Variants in CAMKMT observed in about 807,000 individuals in gnomAD.
CAMKMT encodes CaM KMT.
A neutral mutation model predicts 48.0 loss-of-function variants in CAMKMT; 53 were observed. The ratio of observed to expected loss-of-function variants is 1.10; its 90% CI spans 0.89 to 1.39. The LOEUF (loss-of-function observed/expected upper bound fraction) is 1.39, where lower values mean the gene tolerates loss of function less well. CAMKMT is among the 40% of genes most tolerant of loss of function. CAMKMT has a pLI of 0.00. For missense variants in CAMKMT, 428 were observed against 402.7 expected, an observed-to-expected ratio of 1.06 and a Z score of -0.54; for synonymous variants, 165 against 152.3, an observed-to-expected ratio of 1.08 and a Z score of -0.61.
At chr2:44,742,270 C>T (rs1294352375) in intron 7 of CAMKMT, among the ~76,000 whole-genome samples, 2 of 152,118 alleles carry the variant, frequency 1.3e-5, no homozygotes, top group African/African-American at 2.4e-5. Context: ...TTAGGATTTC[C>T]TAATTTCCTT....
At chr2:44,603,391 C>T (rs1459957114) in intron 3 of CAMKMT, among the ~76,000 whole-genome samples, 1 of 152,094 alleles carries the variant, frequency 6.6e-6, no homozygotes, top group African/African-American at 2.4e-5. Context: ...AACTGGACCC[C>T]CAACCTATAT....
At chr2:44,477,505 C>G (rs1022483044) in intron 3 of CAMKMT, among the ~76,000 whole-genome samples, 1 of 152,060 alleles carries the variant, frequency 6.6e-6, no homozygotes, top group Non-Finnish European at 1.5e-5. Flanking sequence ...TACAGTAACT[C>G]AATAAACAAT....
intron 3 of CAMKMT, chr2:44,456,495 A>G: frequency 6.6e-7 from 1 of 1,523,200 alleles, no homozygotes; most frequent in Non-Finnish European, 8.8e-7. Context: ...AAGAAACAAA[A>G]AGACCTTGGA....
chr2:44,460,752 G>C (rs1237276448), intron 3 of CAMKMT, among the ~76,000 whole-genome samples: 3 of 115,060 alleles, frequency 2.6e-5, no homozygotes, highest in Non-Finnish European at 5.0e-5. Context: ...ACAGAGTCTT[G>C]CTCTGTCACC....
At chr2:44,591,670 C>G (rs368824001) in intron 3 of CAMKMT, among the ~76,000 whole-genome samples, 4 of 151,634 alleles carry the variant, frequency 2.6e-5, no homozygotes, top group African/African-American at 9.7e-5. Context: ...CCTCAGGGAT[C>G]TAGAACTAGA....
At chr2:44,709,281 C>T (rs1002015644) in intron 6 of CAMKMT, among the ~76,000 whole-genome samples, 3 of 152,090 alleles carry the variant, frequency 2.0e-5, no homozygotes, top group Non-Finnish European at 4.4e-5. Context: ...TTTAATATAG[C>T]GGGGTGCCAA....
intron 1 of CAMKMT, among the ~76,000 whole-genome samples, chr2:44,368,144 T>C (rs1376617306): frequency 6.6e-6 from 1 of 152,240 alleles, no homozygotes; most frequent in Non-Finnish European, 1.5e-5. Context: ...CATTGATATT[T>C]GACTAAATAG....
In CAMKMT at chr2:44,549,869, T is replaced by C. The variant is rs560732286; in HGVS notation, c.377-154414T>C. ...ACCCAGCTTCATTGTGTTAAAAGTC[T>C]TGGTGTTATGTGAAGAGTGTCTTTA... On this transcript the variant is annotated intron_variant, in intron 3 of 10. Coordinates refer to ENST00000378494, the MANE Select transcript of CAMKMT (RefSeq NM_024766.5). 3.3e-5 allele frequency: 12 copies of C among 361,974 alleles called. No homozygotes were observed. The South Asian group carries it at 1.5e-3, about 44-fold the overall frequency. The allele number at this position is 361,974 out of a possible 1,614,324, so 22.4% of individuals were successfully genotyped here. A position where few individuals can be genotyped will look rare whatever the true frequency, so the allele number is the denominator to read the frequency against.
chr2:44,627,816 C>G (rs572292892), intron 3 of CAMKMT, among the ~76,000 whole-genome samples: 1 of 145,008 alleles, frequency 6.9e-6, no homozygotes, highest in South Asian at 2.3e-4. Flanking sequence ...TCTCATTCCT[C>G]AGCCTCCCGA....
At chr2:44,414,000 G>T (rs72806812) in intron 3 of CAMKMT, among the ~76,000 whole-genome samples, 3 of 152,250 alleles carry the variant, frequency 2.0e-5, no homozygotes, top group Non-Finnish European at 4.4e-5. Context: ...TTAGTAGCCA[G>T]GCTCAGGGTG....
rs10667154 is a variant in CAMKMT at position 44,621,266 on chromosome 2, C to CAAAAAAAAA, written c.377-83006_377-82998dup. Among the ~76,000 whole-genome samples, 826 of 84,380 alleles carry CAAAAAAAAA rather than the reference C, an allele frequency of 9.8e-3. 38 individuals carry two copies. The highest frequency in any genetic ancestry group is 0.042 in the African/African-American group (789 of 18,592). 55.4% of individuals were successfully genotyped at this position (84,380 alleles called of 152,430 possible). A position where few individuals can be genotyped will look rare whatever the true frequency, so the allele number is the denominator to read the frequency against. Reference sequence around the variant, plus strand: ...TGGGCGACAGAGCGAGACTCCATCTCAAAAAAAAAAAAAAAAAAAGCATAA... The same window carrying CAAAAAAAAA: ...TGGGCGACAGAGCGAGACTCCATCTCAAAAAAAAAAAAAAAAAAAAAAAAAAAAGCATAA... On this transcript the variant is annotated intron_variant, in intron 3 of 10. Coordinates refer to ENST00000378494, the MANE Select transcript of CAMKMT (RefSeq NM_024766.5).
chr2:44,767,886 A>G (rs1461395339), intron 10 of CAMKMT, among the ~76,000 whole-genome samples: 2 of 152,200 alleles, frequency 1.3e-5, no homozygotes, highest in African/African-American at 4.8e-5. Flanking sequence ...ATGTCGTGCC[A>G]TTCACTTTCC....
At chr2:44,542,478 A>AG (rs1311983908) in intron 3 of CAMKMT, among the ~76,000 whole-genome samples, 1 of 150,094 alleles carries the variant, frequency 6.7e-6, no homozygotes, top group Non-Finnish European at 1.5e-5. Context: ...CTAACTCAGG[A>AG]GGTAAGACAC....
chr2:44,690,899 C>G (rs1322212737), intron 3 of CAMKMT, among the ~76,000 whole-genome samples: 2 of 151,970 alleles, frequency 1.3e-5, no homozygotes, highest in Non-Finnish European at 2.9e-5. Flanking sequence ...TCACTTGAAC[C>G]CAGAAGGCAG....
intron 3 of CAMKMT, among the ~76,000 whole-genome samples, chr2:44,534,855 A>T (rs577219177): frequency 1.6e-4 from 25 of 152,122 alleles, no homozygotes; most frequent in Non-Finnish European, 3.1e-4. Context: ...AAAATTACTA[A>T]AAGGAAAGAA....
At chr2:44,426,075 A>AC (rs1167497846) in intron 3 of CAMKMT, among the ~76,000 whole-genome samples, 4 of 152,204 alleles carry the variant, frequency 2.6e-5, no homozygotes, top group Admixed American at 1.3e-4. Flanking sequence ...TTTGTTCATG[A>AC]CTTAAAAAAA....
At chr2:44,369,422 T>G (rs537474133) in intron 1 of CAMKMT, among the ~76,000 whole-genome samples, 6 of 152,334 alleles carry the variant, frequency 3.9e-5, no homozygotes, top group Admixed American at 2.6e-4. Context: ...TAAGTGTTCC[T>G]TTTTTGAAAA....
At chr2:44,448,138 A>G (rs546494637) in intron 3 of CAMKMT, among the ~76,000 whole-genome samples, 3 of 152,300 alleles carry the variant, frequency 2.0e-5, no homozygotes, top group South Asian at 2.1e-4. Flanking sequence ...AACCAGTTCT[A>G]TACCAAAATC....
chr2:44,710,452 A>G (rs1038990731), intron 6 of CAMKMT, among the ~76,000 whole-genome samples: 14 of 152,210 alleles, frequency 9.2e-5, no homozygotes, highest in Admixed American at 7.2e-4. Context: ...CTTAAACTGC[A>G]TTGCTGGGTC....
Sources: allele counts gnomAD v4.1 joint callset (sites outside exome capture counted in the v4.1 genomes callset), GRCh38; gene constraint gnomAD v4.1.1; transcripts MANE v1.5; gene names NCBI Gene and HGNC (gene_info 2026-07-23, HGNC 2026-07-21).